TRIM10: variants seen among roughly 807,000 people sequenced by gnomAD.
TRIM10 encodes the protein tripartite motif-containing protein 10.
A neutral mutation model predicts 40.0 loss-of-function variants in TRIM10; 42 were observed. The ratio of observed to expected loss-of-function variants is 1.05; its 90% CI spans 0.82 to 1.36. TRIM10 has a LOEUF of 1.36. Among genes scored for constraint, TRIM10 ranks in the 40% most tolerant of loss-of-function variants. TRIM10 has a pLI of 0.00. For missense variants in TRIM10, 601 were observed against 608.3 expected (o/e 0.99, Z 0.13); for synonymous variants, 260 against 239.5 (o/e 1.09, Z -0.79).
intron 2 of TRIM10, 25 bp downstream of exon 2, chr6:30,159,125 A>G (rs1772844182): frequency 6.6e-7 from 1 of 1,508,838 alleles, no homozygotes; most frequent in African/African-American, 1.4e-5. Flanking sequence ...AAGGGGAGGA[A>G]CCTGGGGAAG....
chr6:30,159,781 C>CAT (rs148280884), intron 1 of TRIM10, among the ~76,000 whole-genome samples: 4,112 of 152,230 alleles, frequency 0.027, 93 homozygotes, highest in Middle Eastern at 0.051. Context: ...GGTACACACA[C>CAT]GATAAATATG....
At chr6:30,157,657 C>CTTTTTTTTTTTTTTTTTTTT (rs9278596) in intron 3 of TRIM10, among the ~76,000 whole-genome samples, 1 of 77,866 alleles carries the variant, frequency 1.3e-5, no homozygotes, top group Non-Finnish European at 2.3e-5. Context: ...GGCTAATTTT[C>CTTTTTTTTTTTTTTTTTTTT]TTTTTTTTTT....
chr6:30,159,915 C>A (rs772956510), intron 1 of TRIM10, among the ~76,000 whole-genome samples: 4 of 152,172 alleles, frequency 2.6e-5, no homozygotes, highest in Admixed American at 6.5e-5. Context: ...AAAACCAGCA[C>A]ACATTCATTT....
chr6:30,154,325 TC>T lies in TRIM10; in HGVS notation c.1089del (p.Arg364AspfsTer6), dbSNP rs757570225. ...TCTATACTCACCACCCACGTGTGTC[TC>T]CCCCCTGTGATGCCAGTGTGGGCCA... is the stretch of plus-strand genomic sequence containing the variant. Reference protein sequence around the residue: ...CVLAHTGITGGRHTWVVSIDL... With the variant: ...CVLAHTGITGXRHTWVVSIDL... On this transcript the variant is annotated frameshift_variant, in exon 7 of 7. Coordinates refer to ENST00000449742, the MANE Select transcript of TRIM10 (RefSeq NM_006778.4). LOFTEE classifies it low-confidence loss of function (END_TRUNC). 1.1e-5 allele frequency: 17 copies of T among 1,612,950 alleles called. No homozygotes were observed. Among genetic ancestry groups the T allele is most frequent in the Non-Finnish European group, 1.4e-5 (17 of 1,180,002 alleles).
intron 6 of TRIM10, among the ~76,000 whole-genome samples, chr6:30,154,994 C>T (rs898555927): frequency 1.3e-5 from 2 of 152,144 alleles, no homozygotes; most frequent in Non-Finnish European, 2.9e-5. Context: ...TCTGGCTCAC[C>T]CCTGGGTTAT....
chr6:30,160,373 C>T lies in TRIM10; in HGVS notation c.429+57G>A, dbSNP rs1772956836. 5.2e-6 allele frequency: 8 copies of T among 1,552,150 alleles called. 1 individual carries two copies. In the South Asian group the frequency reaches 9.8e-5, roughly 19 times the overall value. On this transcript the variant is annotated intron_variant, in intron 1 of 6. Transcript: ENST00000449742. The stretch of plus-strand genomic sequence containing the variant: ...GTGGCCTAAATAATCCACAACTCTG[C>T]TGTTTCTCTTAGTCCAGTCCAGTCC...
upstream of TRIM10, among the ~76,000 whole-genome samples, chr6:30,161,372 T>C (rs927248676): frequency 6.6e-6 from 1 of 152,128 alleles, no homozygotes. Flanking sequence ...TCAGATAAGG[T>C]CCTTGTGCCA....
upstream of TRIM10, chr6:30,163,973 G>A: frequency 1.2e-6 from 2 of 1,613,138 alleles, no homozygotes; most frequent in Non-Finnish European, 1.7e-6. Context: ...CTGCGAGAAC[G>A]ATGCCGAGTT....
Position 30,160,977 on chromosome 6 carries a change from A to T in TRIM10, c.-119T>A. On this transcript the variant is annotated 5_prime_UTR_variant, in exon 1 of 7. Transcript: ENST00000449742. The stretch of plus-strand genomic sequence containing the variant: ...CATGGCTGGACACAGGCACATACTA[A>T]ATATGCACCAGCACCCATATCGTCA... 1.0e-6 allele frequency: 1 copy of T among 966,658 alleles called. No individual in the cohort carries two copies. The highest frequency in any genetic ancestry group is 1.5e-6 in the Non-Finnish European group (1 of 669,118). 59.9% of individuals were successfully genotyped at this position (966,658 alleles called of 1,614,324 possible). A position where few individuals can be genotyped will look rare whatever the true frequency, so the allele number is the denominator to read the frequency against.
chr6:30,152,811 C>T lies in TRIM10; in HGVS notation c.*1158G>A, dbSNP rs1772133940. 1 of 152,206 alleles carries T rather than the reference C, an allele frequency of 6.6e-6. No homozygotes were observed. The highest frequency in any genetic ancestry group is 1.5e-5 in the Non-Finnish European group (1 of 68,036). The allele number at this position is 152,206 out of a possible 1,614,324, so 9.4% of individuals were successfully genotyped here. ...CTTCCATCCCATTTCTCAGATGTCA[C>T]TACAGTAGTCTCAATTACGGTAGTC... On this transcript the variant is annotated 3_prime_UTR_variant, in exon 7 of 7. Coordinates refer to ENST00000449742, the MANE Select transcript of TRIM10 (RefSeq NM_006778.4).
chr6:30,154,437 G>A lies in TRIM10; in HGVS notation c.978C>T (p.Ser326=), dbSNP rs139417693. 47 of 1,612,744 alleles carry A rather than the reference G, an allele frequency of 2.9e-5. No individual in the cohort carries two copies. Among genetic ancestry groups the A allele is most frequent in the South Asian group, 1.2e-4 (11 of 91,082 alleles). Residue 326 remains serine (S), a synonymous_variant, in exon 7 of 7, where the codon TCC becomes TCT. Transcript: ENST00000449742. ...PQTSHPKLLL[S]EDHQRAQFSY... ...AGAACTGAGCTCGCTGGTGGTCCTC[G>A]GACAAGAGGAGCTTGGGGTGGGAAG... is the stretch of plus-strand genomic sequence containing the variant.
intron 3 of TRIM10, among the ~76,000 whole-genome samples, chr6:30,158,081 T>G (rs115814010): frequency 0.027 from 4,114 of 152,294 alleles, 96 homozygotes; most frequent in Middle Eastern, 0.051. Context: ...GGTTTGCAAC[T>G]TACTTAATAC....
upstream of TRIM10, among the ~76,000 whole-genome samples, chr6:30,162,603 T>C (rs1011340559): frequency 1.4e-4 from 21 of 152,306 alleles, no homozygotes; most frequent in South Asian, 4.3e-3. Context: ...TGAAGGACCG[T>C]GGCTGCAGAT....
intron 3 of TRIM10, 30 bp downstream of exon 3, chr6:30,158,369 G>C: frequency 6.3e-7 from 1 of 1,579,596 alleles, no homozygotes; most frequent in Non-Finnish European, 8.7e-7. Context: ...GGACAGCACA[G>C]GTGGGGCAGG....
chr6:30,155,098 A>G (rs773015205), intron 6 of TRIM10, among the ~76,000 whole-genome samples: 4 of 152,106 alleles, frequency 2.6e-5, no homozygotes, highest in Non-Finnish European at 5.9e-5. Context: ...TGTTACTTTT[A>G]GTATTCATAA....
At chr6:30,155,177 C>T (rs1469671827) in intron 6 of TRIM10, among the ~76,000 whole-genome samples, 1 of 152,136 alleles carries the variant, frequency 6.6e-6, no homozygotes, top group Non-Finnish European at 1.5e-5. Context: ...CTCCGTGACT[C>T]CCAGGGTCTT....
At chr6:30,156,454 C>T (rs1772535604) in intron 5 of TRIM10, among the ~76,000 whole-genome samples, 1 of 152,052 alleles carries the variant, frequency 6.6e-6, no homozygotes, top group African/African-American at 2.4e-5. Flanking sequence ...GGAAGTGGAG[C>T]ACAGTCCCCG....
intron 1 of TRIM10, among the ~76,000 whole-genome samples, chr6:30,160,100 TAC>T (rs1772930021): frequency 6.6e-6 from 1 of 152,156 alleles, no homozygotes; most frequent in South Asian, 2.1e-4. Context: ...TTAACACATA[TAC>T]ACACTGTTTG....
At chr6:30,155,854 G>T in intron 5 of TRIM10, 95 bp from the exon 6 acceptor site, 1 of 1,205,368 alleles carries the variant, frequency 8.3e-7, no homozygotes, top group African/African-American at 1.5e-5. Flanking sequence ...AGAGGGAAGG[G>T]ACAAGAAGAA....
Sources: gnomAD v4.1 joint callset for allele counts (sites outside exome capture counted in the v4.1 genomes callset) on GRCh38, gnomAD v4.1.1 for gene constraint, MANE v1.5 for transcripts, NCBI Gene and HGNC (gene_info 2026-07-23, HGNC 2026-07-21) for gene names.